MASP2: variants seen among roughly 807,000 people sequenced by gnomAD.
The protein encoded by MASP2 is mannan-binding lectin serine protease 2.
MASP2 carries 49 observed loss-of-function variants against 57.1 expected under a neutral mutation model. The ratio of observed to expected loss-of-function variants is 0.86; its 90% CI spans 0.68 to 1.09. The LOEUF is 1.09. Among genes scored for constraint, MASP2 ranks in the 50% least tolerant of loss-of-function variants. The pLI is 0.00. For missense variants in MASP2, 900 were observed against 874.8 expected (o/e 1.03, Z -0.36); for synonymous variants, 379 against 340.8 (o/e 1.11, Z -1.24).
intron 8 of MASP2, among the ~76,000 whole-genome samples, chr1:11,033,870 T>C (rs1162614047): frequency 6.7e-6 from 1 of 149,166 alleles, no homozygotes; most frequent in Non-Finnish European, 1.5e-5. Flanking sequence ...GAGGCAGAGG[T>C]TGCAGTGAGC....
At chr1:11,040,376 G>T (rs1638387466) in intron 6 of MASP2, among the ~76,000 whole-genome samples, 1 of 16,770 alleles carries the variant, frequency 6.0e-5, no homozygotes, top group South Asian at 2.2e-3. Flanking sequence ...GGCTGAGGCA[G>T]GAGACTTGCT....
At chr1:11,034,572 C>A (rs1339411315) in intron 8 of MASP2, among the ~76,000 whole-genome samples, 1 of 151,736 alleles carries the variant, frequency 6.6e-6, no homozygotes, top group Non-Finnish European at 1.5e-5. Context: ...GTGTCAGGTG[C>A]CTGTGGTCCC....
At position 11,047,211 on chromosome 1, in the gene MASP2, G is replaced by A; in HGVS notation, c.-4C>T. On this transcript the variant is annotated 5_prime_UTR_variant, in exon 1 of 11. Coordinates refer to ENST00000400897, the MANE Select transcript of MASP2 (RefSeq NM_006610.4). ...TGTGGGCGCCCACCTACCTCATGGT[G>A]TGCCCGTCCAGCTGGCCTGGCCTGG... is the stretch of plus-strand genomic sequence containing the variant. The A allele has an allele frequency of 6.4e-7, 1 of 1,562,592 alleles. No homozygotes were observed.
chr1:11,027,208 A>G lies in MASP2; in HGVS notation c.1738T>C (p.Phe580Leu), dbSNP rs377154906. Reference protein sequence around the residue: ...ASGWGLTQRGFLARNLMYVDI... With the variant: ...ASGWGLTQRGLLARNLMYVDI... ...ACATACATTAGATTTCTAGCAAGAA[A>G]ACCCCTTTGGGTTAATCCCCATCCA... The change falls in exon 11 of 11, where the codon TTT (phenylalanine) becomes CTT (leucine). Residue 580 changes from phenylalanine to leucine, a missense_variant. Phe to Leu is a conservative substitution (Grantham distance 22). Transcript: ENST00000400897. 7.3e-5 allele frequency: 118 copies of G among 1,614,096 alleles called. 1 individual carries two copies. Among genetic ancestry groups the G allele is most frequent in the Non-Finnish European group, 9.9e-5 (117 of 1,180,048 alleles).
rs1284156903 is a variant in MASP2, at chr1:11,027,583, C to T, written c.1363G>A (p.Asp455Asn). 6.2e-7 allele frequency: 1 copy of T among 1,614,066 alleles called. No homozygotes were observed. The highest frequency in any genetic ancestry group is 8.5e-7 in the Non-Finnish European group (1 of 1,180,026). ...AATATCAGGACTTGCCAAGGAAAATCACCAGGTTTTGCCTTTTGCCCTCCA... is the reference window on the plus strand; with the variant it reads ...AATATCAGGACTTGCCAAGGAAAATTACCAGGTTTTGCCTTTTGCCCTCCA... ...IYGGQKAKPGDFPWQVLILGG... is the reference protein window; with the variant it reads ...IYGGQKAKPGNFPWQVLILGG... Residue 455 changes from aspartate to asparagine, a missense_variant, in exon 11 of 11, where the codon GAT becomes AAT. Transcript: ENST00000400897.
chr1:11,040,957 A>AGATGGATG (rs757808259), intron 6 of MASP2, among the ~76,000 whole-genome samples: 1 of 146,578 alleles, frequency 6.8e-6, no homozygotes, highest in Non-Finnish European at 1.5e-5. Flanking sequence ...ATAGCTGGAA[A>AGATGGATG]GATGGATGGA....
At position 11,041,875 on chromosome 1, in the gene MASP2, AGGATGGGTGGAT is replaced by A. The variant is rs1283681309; in HGVS notation, c.889+988_889+999del. 2.4e-3 allele frequency among the ~76,000 whole-genome samples: 338 copies of A among 141,608 alleles called. 2 individuals are homozygous for A. Among genetic ancestry groups the A allele is most frequent in the African/African-American group, 8.7e-3 (327 of 37,756 alleles). 92.9% of individuals were successfully genotyped at this position (141,608 alleles called of 152,430 possible). ...GTTGATAGAAGGATGGGTGGGTGGAAGGATGGGTGGATGGGTGGTTGGATAGAAGGATGGATG... is the reference window on the plus strand; with the variant it reads ...GTTGATAGAAGGATGGGTGGGTGGAAGGGTGGTTGGATAGAAGGATGGATG... On this transcript the variant is annotated intron_variant, in intron 6 of 10. Transcript: ENST00000400897.
chr1:11,035,233 T>A (rs1484791730), intron 7 of MASP2, among the ~76,000 whole-genome samples: 1 of 152,094 alleles, frequency 6.6e-6, no homozygotes, highest in African/African-American at 2.4e-5. Context: ...CAAAAACATA[T>A]CAGATCTCAG....
rs573098511 is a variant in MASP2, at chr1:11,028,179, C to G, written c.1298-531G>C. ...GGAGGTTGCAGTAAGACAAGTCACA[C>G]CACTGCACTCTAGCCTGGTAAGAGC... On this transcript the variant is annotated intron_variant, in intron 10 of 10. Coordinates refer to ENST00000400897, the MANE Select transcript of MASP2 (RefSeq NM_006610.4). Among the ~76,000 whole-genome samples the G allele has an allele frequency of 3.4e-4, 52 of 152,052 alleles. 1 individual carries two copies. In the South Asian group the frequency reaches 9.1e-3, roughly 27 times the overall value.
chr1:11,031,136 A>C (rs894394692), intron 8 of MASP2, among the ~76,000 whole-genome samples: 4 of 151,910 alleles, frequency 2.6e-5, no homozygotes, highest in Admixed American at 6.6e-5. Flanking sequence ...ACTGAGGGGG[A>C]GTCGTCCATG....
intron 3 of MASP2, chr1:11,045,901 C>T: frequency 3.4e-6 from 1 of 294,678 alleles, no homozygotes. Context: ...CCAGAGGTCA[C>T]ACAGTTGGTC....
At chr1:11,028,854 C>T (rs904813039) in intron 10 of MASP2, among the ~76,000 whole-genome samples, 1 of 151,458 alleles carries the variant, frequency 6.6e-6, no homozygotes, top group Non-Finnish European at 1.5e-5. Flanking sequence ...GCTGGGACTA[C>T]AGGCACACGC....
At chr1:11,045,656 T>C in intron 3 of MASP2, 117 bp from the exon 4 acceptor site, 1 of 1,224,990 alleles carries the variant, frequency 8.2e-7, no homozygotes, top group South Asian at 1.5e-5. Context: ...CCTCGTCCTG[T>C]CTAGGGTGCG....
chr1:11,028,697 GTTTTTTTTCTTTTT>G (rs1643782341), intron 10 of MASP2, among the ~76,000 whole-genome samples: 1 of 36,178 alleles, frequency 2.8e-5, no homozygotes, highest in African/African-American at 1.3e-4. Context: ...ATCTTTCTGG[GTTTTTTTTCTTTTT>G]TTTTTTTTTT....
chr1:11,047,101 G>A lies in MASP2; in HGVS notation c.24C>T (p.Gly8=), dbSNP rs747122738. Residue 8 remains glycine, a synonymous_variant, in exon 2 of 11, where the codon GGC becomes GGT. Coordinates refer to ENST00000400897, the MANE Select transcript of MASP2 (RefSeq NM_006610.4). MRLLTLL[G]LLCGSVATPL... is the part of the protein sequence containing the mutation. ...GGGTGGCCACCGAGCCACACAGAAG[G>A]CCCAGGAGGGTCAGCAGCCTATGGG... The A allele has an allele frequency of 6.4e-7, 1 of 1,550,510 alleles. No individual in the cohort carries two copies.
chr1:11,028,712 T>C (rs56142504), intron 10 of MASP2, among the ~76,000 whole-genome samples: 8 of 129,224 alleles, frequency 6.2e-5, no homozygotes, highest in East Asian at 4.5e-4. Flanking sequence ...TTTTCTTTTT[T>C]TTTTTTTTTT....
Position 11,027,059 on chromosome 1 carries a change from G to A in MASP2, c.1887C>T (p.Cys629=), listed in dbSNP as rs1557663990. ...CCAGTGCCCCTCCGCTGTCACCTCT[G>A]CAGCTGTCCTTGCCCCCACTTTCTA... ...AGLESGGKDS[C]RGDSGGALVF... is the part of the protein sequence containing the mutation. Residue 629 remains cysteine (C), a synonymous_variant, in exon 11 of 11, where the codon TGC becomes TGT. Coordinates refer to ENST00000400897, the MANE Select transcript of MASP2 (RefSeq NM_006610.4). 6.3e-7 allele frequency: 1 copy of A among 1,593,458 alleles called. No individual in the cohort carries two copies. Among genetic ancestry groups the A allele is most frequent in the Admixed American group, 1.7e-5 (1 of 57,404 alleles).
At chr1:11,029,974 A>G (rs1229626672) in intron 10 of MASP2, 1 of 479,572 alleles carries the variant, frequency 2.1e-6, no homozygotes, top group Non-Finnish European at 3.7e-6. Context: ...AAGAGAATCA[A>G]ATGACTGATG....
At chr1:11,034,414 G>A (rs1413230417) in intron 8 of MASP2, among the ~76,000 whole-genome samples, 1 of 149,746 alleles carries the variant, frequency 6.7e-6, no homozygotes, top group African/African-American at 2.5e-5. Flanking sequence ...AAAAAACCAA[G>A]GATCCGGGCA....
Sources: allele counts gnomAD v4.1 joint callset (sites outside exome capture counted in the v4.1 genomes callset), GRCh38; gene constraint gnomAD v4.1.1; transcripts MANE v1.5; gene names NCBI Gene and HGNC (gene_info 2026-07-23, HGNC 2026-07-21).